Variants in ZNF398 observed in about 807,000 individuals in gnomAD.
ZNF398 encodes zinc finger protein 398.
A neutral mutation model predicts 41.9 loss-of-function variants in ZNF398; 18 were observed. That is an observed-to-expected ratio of 0.43 (90% CI 0.30 to 0.64). The LOEUF (loss-of-function observed/expected upper bound fraction) is 0.64. Ranked by LOEUF, ZNF398 falls within the 30% of genes least tolerant of loss-of-function variation. ZNF398 has a pLI of 0.14. For missense variants in ZNF398, 669 were observed against 822.8 expected, an observed-to-expected ratio of 0.81 and a Z score of 2.29; for synonymous variants, 260 against 308.8, an observed-to-expected ratio of 0.84 and a Z score of 1.66.
chr7:149,179,143 A>G lies in ZNF398; in HGVS notation c.1271A>G (p.Glu424Gly). 6.2e-7 allele frequency: 1 copy of G among 1,613,948 alleles called. No individual in the cohort carries two copies. Among genetic ancestry groups the G allele is most frequent in the South Asian group, 1.1e-5 (1 of 91,068 alleles). The change falls in exon 6 of 6, where the codon GAG becomes GGG. Residue 424 changes from glutamate (E) to glycine (G), a missense_variant. Physicochemically the swap from Glu to Gly is moderately conservative, Grantham distance 98 (BLOSUM62 -2). This residue lies in a region of ZNF398 where 290 missense variants were observed against 292.9 expected (regional missense o/e 0.99). Transcript: ENST00000475153. This position sits in a 1 kb window ranked among gnomAD's most constrained non-coding sequence, Gnocchi z 6.1. The part of the protein sequence containing the change: ...TYHLRVHNST[E>G]RPFPCPDCPK... ...CATCTTCGGGTCCATAACAGCACTG[A>G]GCGTCCTTTCCCCTGTCCTGATTGC...
chr7:149,148,073 C>G (rs1827003728), intron 1 of ZNF398: 1 of 334,338 alleles, frequency 3.0e-6, no homozygotes, highest in Non-Finnish European at 5.4e-6. Context: ...AGCCCCACGC[C>G]TGCCCGCCAG....
chr7:149,144,735 C>A (rs1282564594), upstream of ZNF398, among the ~76,000 whole-genome samples: 1 of 151,880 alleles, frequency 6.6e-6, no homozygotes, highest in Non-Finnish European at 1.5e-5. Context: ...ATTATAGGCA[C>A]CCACGACCAC....
At chr7:149,142,659 T>TC (rs2129519695), upstream of ZNF398, among the ~76,000 whole-genome samples, 1 of 152,302 alleles carries the variant, frequency 6.6e-6, no homozygotes, top group African/African-American at 2.4e-5. Context: ...AGAGCGAGAC[T>TC]CCGTCTAAAA....
At chr7:149,154,606 T>C (rs1190789105) in intron 2 of ZNF398, among the ~76,000 whole-genome samples, 1 of 152,146 alleles carries the variant, frequency 6.6e-6, no homozygotes, top group Non-Finnish European at 1.5e-5. Context: ...TTTTTTTCTC[T>C]TTTGGTTTCT....
intron 2 of ZNF398, among the ~76,000 whole-genome samples, chr7:149,163,382 T>C (rs1795152570): frequency 6.6e-6 from 1 of 150,860 alleles, no homozygotes; most frequent in Non-Finnish European, 1.5e-5. Flanking sequence ...TTTTTTTTTT[T>C]TTTTTTTGAG....
At chr7:149,166,077 TAAAAG>T in intron 2 of ZNF398, 76 bp from the exon 3 acceptor site, 1 of 1,453,774 alleles carries the variant, frequency 6.9e-7, no homozygotes, top group Non-Finnish European at 9.3e-7. Context: ...GTAAAAAAAA[TAAAAG>T]GAACTAATTG....
chr7:149,162,417 C>T (rs1327436044), intron 2 of ZNF398, among the ~76,000 whole-genome samples: 1 of 152,114 alleles, frequency 6.6e-6, no homozygotes, highest in African/African-American at 2.4e-5. Context: ...CTCCTGACCT[C>T]GTGATCCGCC....
chr7:149,160,075 TAA>T (rs1795074098), intron 2 of ZNF398, among the ~76,000 whole-genome samples: 6 of 37,160 alleles, frequency 1.6e-4, no homozygotes, highest in African/African-American at 4.0e-4. Flanking sequence ...AAAAGGAGGA[TAA>T]TTAGCTGATT....
intron 1 of ZNF398, chr7:149,151,087 GTAGCCACTT>G (rs1350475119): frequency 3.4e-6 from 1 of 297,288 alleles, no homozygotes; most frequent in Non-Finnish European, 5.4e-6. Flanking sequence ...AGGCTTTGTA[GTAGCCACTT>G]TATGGAATGG....
chr7:149,126,775 G>C (rs1318439769), intron 1 of ZNF398: 4 of 153,222 alleles, frequency 2.6e-5, no homozygotes, highest in African/African-American at 7.2e-5. Context: ...GGGGGCGCGC[G>C]GTGGCCCGGG....
Position 149,179,959 on chromosome 7 carries a change from T to C in ZNF398, c.*158T>C, listed in dbSNP as rs761077713. The C allele has an allele frequency of 1.5e-6, 1 of 662,018 alleles. No homozygotes were observed. Among genetic ancestry groups the C allele is most frequent in the Non-Finnish European group, 2.4e-6 (1 of 419,244 alleles). The allele number at this position is 662,018 out of a possible 1,614,324, so 41.0% of individuals were successfully genotyped here. A position where few individuals can be genotyped will look rare whatever the true frequency, so the allele number is the denominator to read the frequency against. ...ACTTGACTAGAGACATGCTTGTGTTTTGGAATTTCACACCCTTACAAGAAT... is the reference window on the plus strand; with the variant it reads ...ACTTGACTAGAGACATGCTTGTGTTCTGGAATTTCACACCCTTACAAGAAT... On this transcript the variant is annotated 3_prime_UTR_variant, in exon 6 of 6. Transcript: ENST00000475153. The surrounding 1 kb of genome is among the most constrained non-coding windows in gnomAD (Gnocchi z 6.1).
At chr7:149,139,444 C>T (rs372972627) in intron 2 of ZNF398, among the ~76,000 whole-genome samples, 4 of 152,034 alleles carry the variant, frequency 2.6e-5, no homozygotes, top group African/African-American at 4.8e-5. Flanking sequence ...AATGATGTGC[C>T]GGGCGCGGTG....
At chr7:149,163,918 C>T (rs1448124137) in intron 2 of ZNF398, among the ~76,000 whole-genome samples, 1 of 151,952 alleles carries the variant, frequency 6.6e-6, no homozygotes, top group African/African-American at 2.4e-5. Context: ...TCGAGCCCCA[C>T]CTGACCAATA....
intron 2 of ZNF398, among the ~76,000 whole-genome samples, chr7:149,162,251 G>A (rs1795121443): frequency 6.6e-6 from 1 of 151,702 alleles, no homozygotes; most frequent in Non-Finnish European, 1.5e-5. Flanking sequence ...GCGCAGTCTC[G>A]GCTCACTGTA....
Position 149,134,811 on chromosome 7 carries a change from A to T in ZNF398, c.-490+5867A>T, listed in dbSNP as rs1158363801. Among the ~76,000 whole-genome samples, 9 of 152,168 alleles carry T rather than the reference A, an allele frequency of 5.9e-5. No individual in the cohort carries two copies. The East Asian group carries it at 1.8e-3, about 30-fold the overall frequency. On this transcript the variant is annotated intron_variant, in intron 2 of 6. Coordinates refer to the ZNF398 transcript ENST00000426851. ...AGTGGCGCAATCTTGGCTCACCGCA[A>T]CCTCTGCCTCCCTGGTTCAAGCAAT...
chr7:149,147,885 C>A lies in ZNF398; in HGVS notation c.24+119C>A. Reference sequence around the variant, plus strand: ...CGTTCTCGGGTCCCGCCGGCCACGTCGCCTGTCGCCCGTGCTTGGCGGCTG... The same window carrying A: ...CGTTCTCGGGTCCCGCCGGCCACGTAGCCTGTCGCCCGTGCTTGGCGGCTG... On this transcript the variant is annotated intron_variant, in intron 1 of 5. Transcript: ENST00000475153. This position sits in a 1 kb window ranked among gnomAD's most constrained non-coding sequence, Gnocchi z 5.6. 1 of 1,182,352 alleles carries A rather than the reference C, an allele frequency of 8.5e-7. No homozygotes were observed. Among genetic ancestry groups the A allele is most frequent in the Non-Finnish European group, 1.1e-6 (1 of 927,290 alleles). The allele number at this position is 1,182,352 out of a possible 1,614,324, so 73.2% of individuals were successfully genotyped here. A position where few individuals can be genotyped will look rare whatever the true frequency, so the allele number is the denominator to read the frequency against.
intron 4 of ZNF398, among the ~76,000 whole-genome samples, chr7:149,176,085 C>A (rs539733827): frequency 1.2e-4 from 18 of 152,232 alleles, no homozygotes; most frequent in African/African-American, 3.9e-4. Context: ...GTAATCCCAG[C>A]ACTTTGGGAG....
intron 1 of ZNF398, among the ~76,000 whole-genome samples, chr7:149,150,826 C>T (rs1827092332): frequency 1.3e-5 from 2 of 152,124 alleles, no homozygotes; most frequent in Admixed American, 6.6e-5. Flanking sequence ...TCTCTAGCCT[C>T]AGTCTCCCGA....
upstream of ZNF398, among the ~76,000 whole-genome samples, chr7:149,144,926 C>A (rs1826902007): frequency 1.3e-5 from 2 of 152,204 alleles, no homozygotes; most frequent in South Asian, 4.1e-4. Context: ...AATTATACAA[C>A]AGAATTTTCT....
Sources: allele counts gnomAD v4.1 joint callset (sites outside exome capture counted in the v4.1 genomes callset), GRCh38; gene constraint gnomAD v4.1.1; regional missense constraint gnomAD v4.1.1; non-coding constraint Gnocchi (gnomAD v3.1); transcripts MANE v1.5; gene names NCBI Gene and HGNC (gene_info 2026-07-23, HGNC 2026-07-21).